Variants in ACBD6 observed in about 807,000 individuals in gnomAD.
The protein encoded by ACBD6 is acyl-CoA binding domain containing 6, also known as acyl-CoA-binding domain-containing protein 6.
ACBD6 carries 28 observed loss-of-function variants against 37.2 expected under a neutral mutation model. The observed-to-expected ratio is 0.75, with a 90% CI of 0.56 to 1.03. ACBD6 has a LOEUF of 1.03. Among genes scored for constraint, ACBD6 ranks in the 50% least tolerant of loss-of-function variants. The probability of loss-of-function intolerance (pLI) is 0.00; values close to 1 mark genes in which losing one functional copy is unlikely to be tolerated. For synonymous variants in ACBD6, 113 were observed against 126.8 expected, an observed-to-expected ratio of 0.89 and a Z score of 0.73; for missense variants, 340 against 337.4, an observed-to-expected ratio of 1.01 and a Z score of -0.06.
intron 3 of ACBD6, among the ~76,000 whole-genome samples, chr1:180,490,150 A>G (rs1651436402): frequency 1.3e-5 from 2 of 152,320 alleles, no homozygotes; most frequent in South Asian, 2.1e-4. Context: ...ACTCTGCCTA[A>G]AGGCACTCAC....
At chr1:180,489,878 C>T (rs1440380526) in intron 3 of ACBD6, among the ~76,000 whole-genome samples, 2 of 152,072 alleles carry the variant, frequency 1.3e-5, no homozygotes, top group African/African-American at 2.4e-5. Context: ...AGGCTGGACT[C>T]GAACTCCTGA....
chr1:180,402,562 T>C (rs1647414899), intron 5 of ACBD6, among the ~76,000 whole-genome samples: 2 of 152,110 alleles, frequency 1.3e-5, no homozygotes, highest in African/African-American at 4.8e-5. Context: ...CTCATGCCCA[T>C]AGTCCCAGTA....
intron 3 of ACBD6, among the ~76,000 whole-genome samples, chr1:180,491,894 C>T (rs1557893035): frequency 6.6e-6 from 1 of 152,202 alleles, no homozygotes; most frequent in Admixed American, 6.5e-5. Context: ...ACTGCAGCCT[C>T]AGCCTCCCAG....
chr1:180,373,599 A>C (rs116338918), intron 6 of ACBD6, among the ~76,000 whole-genome samples: 3,004 of 152,248 alleles, frequency 0.02, 102 homozygotes, highest in African/African-American at 0.067. Context: ...CAGATTACAT[A>C]CTGGCCAGTG....
chr1:180,289,575 G>T (rs1649621631), intron 7 of ACBD6, among the ~76,000 whole-genome samples: 1 of 152,152 alleles, frequency 6.6e-6, no homozygotes, highest in African/African-American at 2.4e-5. Context: ...CTCCAACCTA[G>T]TAATTCTACT....
At chr1:180,442,361 C>T (rs191132028) in intron 3 of ACBD6, among the ~76,000 whole-genome samples, 21 of 152,156 alleles carry the variant, frequency 1.4e-4, no homozygotes, top group East Asian at 3.9e-4. Context: ...TGTCACACTA[C>T]GCAGTGCTAT....
intron 6 of ACBD6, among the ~76,000 whole-genome samples, chr1:180,336,091 T>TA (rs1454266448): frequency 6.6e-6 from 1 of 150,490 alleles, no homozygotes; most frequent in Non-Finnish European, 1.5e-5. Flanking sequence ...CTGTCAACAT[T>TA]AGACAGATCA....
chr1:180,427,620 T>A (rs1298238453), intron 4 of ACBD6, among the ~76,000 whole-genome samples: 1 of 152,102 alleles, frequency 6.6e-6, no homozygotes, highest in East Asian at 1.9e-4. Flanking sequence ...AATCCAACAT[T>A]TCAGTACATA....
intron 5 of ACBD6, among the ~76,000 whole-genome samples, chr1:180,406,286 C>T (rs548339005): frequency 1.5e-3 from 234 of 152,114 alleles, no homozygotes; most frequent in African/African-American, 5.3e-3. Flanking sequence ...TTATTGATGG[C>T]CCCTCCTTAA....
chr1:180,415,469 A>G (rs1648048662), intron 4 of ACBD6, among the ~76,000 whole-genome samples: 1 of 152,138 alleles, frequency 6.6e-6, no homozygotes, highest in African/African-American at 2.4e-5. Context: ...GTTCCAACTT[A>G]AGGATAATAG....
chr1:180,350,885 T>C (rs1444403932), intron 6 of ACBD6, among the ~76,000 whole-genome samples: 1 of 152,216 alleles, frequency 6.6e-6, no homozygotes, highest in Non-Finnish European at 1.5e-5. Flanking sequence ...AGTTTTCTAC[T>C]GTCTCAGATA....
chr1:180,308,605 TTCTAA>T (rs1051776260), intron 7 of ACBD6, among the ~76,000 whole-genome samples: 4 of 152,240 alleles, frequency 2.6e-5, no homozygotes, highest in African/African-American at 9.6e-5. Flanking sequence ...GGCCAACTTG[TTCTAA>T]TCTCTACCCC....
chr1:180,276,736 C>G (rs1190977984), intron 9 of ACBD6: 1 of 151,766 alleles, frequency 6.6e-6, no homozygotes, highest in Non-Finnish European at 1.5e-5. Flanking sequence ...ACCCAGATCA[C>G]TGTTGCAGGT....
At chr1:180,310,078 G>A (rs1161922153) in intron 7 of ACBD6, among the ~76,000 whole-genome samples, 1 of 152,060 alleles carries the variant, frequency 6.6e-6, no homozygotes, top group Non-Finnish European at 1.5e-5. Context: ...ATCTCTTTGA[G>A]TTTTGGTTTC....
chr1:180,502,215 C>A lies in ACBD6; in HGVS notation c.52G>T (p.Glu18Ter). The change falls in exon 1 of 8, where the codon GAG (glutamate) becomes TAG (stop). Residue 18 changes from glutamate to a stop codon, truncating the protein, a stop_gained. Transcript: ENST00000367595. LOFTEE classifies it high-confidence loss of function. ...AGAITGDSGG[E>*]LSSGDDSGEV... ...CCGGAGTCGTCCCCTGAGCTCAGCT[C>A]TCCACCGCTGTCGCCGGTGATGGCC... 1 of 1,613,966 alleles carries A rather than the reference C, an allele frequency of 6.2e-7. No homozygotes were observed. Among genetic ancestry groups the A allele is most frequent in the Non-Finnish European group, 8.5e-7 (1 of 1,180,044 alleles).
chr1:180,300,586 A>G (rs1426240401), intron 7 of ACBD6, among the ~76,000 whole-genome samples: 4 of 152,166 alleles, frequency 2.6e-5, no homozygotes, highest in Non-Finnish European at 5.9e-5. Context: ...GTAACGCCAG[A>G]ACTTATAGGG....
intron 6 of ACBD6, among the ~76,000 whole-genome samples, chr1:180,356,347 C>G (rs1652628001): frequency 6.6e-6 from 1 of 151,210 alleles, no homozygotes; most frequent in Non-Finnish European, 1.5e-5. Flanking sequence ...ATTTTTTGTA[C>G]TTTTTGTAGA....
chr1:180,284,540 T>C (rs558502430), downstream of ACBD6, among the ~76,000 whole-genome samples: 1 of 152,074 alleles, frequency 6.6e-6, no homozygotes, highest in Admixed American at 6.5e-5. Flanking sequence ...AATTTTTGTA[T>C]TTTCTGGTAG....
chr1:180,496,362 G>C (rs1048841029), intron 1 of ACBD6, among the ~76,000 whole-genome samples: 5 of 151,764 alleles, frequency 3.3e-5, no homozygotes, highest in African/African-American at 4.8e-5. Flanking sequence ...AGAAAGTTTT[G>C]TGTAAAGTCT....
Sources: allele counts gnomAD v4.1 joint callset (sites outside exome capture counted in the v4.1 genomes callset), GRCh38; gene constraint gnomAD v4.1.1; transcripts MANE v1.5; gene names NCBI Gene and HGNC (gene_info 2026-07-23, HGNC 2026-07-21).